CCDC18: variants seen among roughly 807,000 people sequenced by gnomAD.
CCDC18 encodes coiled-coil domain containing 18, also known as coiled-coil domain-containing protein 18.
CCDC18 carries 157 observed loss-of-function variants against 196.0 expected under a neutral mutation model. The ratio of observed to expected loss-of-function variants is 0.80; its 90% CI spans 0.70 to 0.91. CCDC18 has a LOEUF of 0.91. CCDC18 is among the 40% of genes least tolerant of loss of function. CCDC18 has a pLI of 0.00. For missense variants in CCDC18, 1,465 were observed against 1,611.6 expected, an observed-to-expected ratio of 0.91 and a Z score of 1.56; for synonymous variants, 482 against 529.2, an observed-to-expected ratio of 0.91 and a Z score of 1.22.
intron 17 of CCDC18, among the ~76,000 whole-genome samples, chr1:93,227,967 A>ATATATATATATATATAT (rs1176767918): frequency 1.8e-5 from 2 of 108,714 alleles, no homozygotes; most frequent in East Asian, 4.5e-4. Flanking sequence ...CAAAAAAAAA[A>ATATATATATATATATAT]AAAAATATAT....
intron 7 of CCDC18, among the ~76,000 whole-genome samples, chr1:93,202,978 AT>A (rs1440993394): frequency 2.6e-5 from 4 of 152,212 alleles, no homozygotes; most frequent in African/African-American, 4.8e-5. Context: ...TATCTCAAAG[AT>A]TGTGATATAT....
intron 21 of CCDC18, among the ~76,000 whole-genome samples, chr1:93,240,686 T>C (rs1032862484): frequency 5.3e-5 from 8 of 152,202 alleles, no homozygotes; most frequent in African/African-American, 1.9e-4. Context: ...TTAAATACTA[T>C]GTGTCAGACA....
In CCDC18 at chr1:93,270,414, T is replaced by C; in HGVS notation, c.3953T>C (p.Leu1318Pro). Residue 1318 changes from leucine to proline, a missense_variant, in exon 28 of 29, where the codon CTG becomes CCG. Transcript: ENST00000690025. ...GAAAAGGCAGAAGACATCAAGTTTC[T>C]GCCAGCCCCATTTACATCTCCAACA... ...GHEKAEDIKF[L>P]PAPFTSPTEI... is the part of the protein sequence containing the mutation. 1 of 1,550,418 alleles carries C rather than the reference T, an allele frequency of 6.4e-7. No individual in the cohort carries two copies. The highest frequency in any genetic ancestry group is 8.7e-7 in the Non-Finnish European group (1 of 1,146,852).
At chr1:93,269,477 G>C (rs1472277635) in intron 27 of CCDC18, among the ~76,000 whole-genome samples, 1 of 147,612 alleles carries the variant, frequency 6.8e-6, no homozygotes, top group Non-Finnish European at 1.5e-5. Flanking sequence ...AAAAAAAAAA[G>C]GAAAATACCA....
At chr1:93,186,183 T>C (rs1650643125) in intron 3 of CCDC18, among the ~76,000 whole-genome samples, 162 bp from the exon 4 acceptor site, 1 of 152,018 alleles carries the variant, frequency 6.6e-6, no homozygotes, top group Admixed American at 6.5e-5. Flanking sequence ...AGAGAGAGTA[T>C]TGATTGTTCC....
intron 28 of CCDC18, 147 bp downstream of exon 28, chr1:93,270,961 A>G: frequency 2.2e-6 from 3 of 1,388,260 alleles, no homozygotes; most frequent in South Asian, 1.9e-5. Context: ...AGTAAAATCA[A>G]TACCAAAAGA....
intron 14 of CCDC18, among the ~76,000 whole-genome samples, chr1:93,219,645 A>T (rs980049866): frequency 2.0e-5 from 3 of 152,226 alleles, no homozygotes; most frequent in Admixed American, 2.0e-4. Flanking sequence ...CAGAACTGCA[A>T]TTCAAAACGT....
intron 12 of CCDC18, among the ~76,000 whole-genome samples, chr1:93,215,632 AT>A (rs912086010): frequency 1.3e-5 from 2 of 151,260 alleles, no homozygotes; most frequent in African/African-American, 4.9e-5. Flanking sequence ...AAGTTTTTTT[AT>A]TTTTTATTTG....
intron 18 of CCDC18, among the ~76,000 whole-genome samples, chr1:93,234,595 G>A (rs1253829332): frequency 1.3e-5 from 2 of 152,050 alleles, no homozygotes; most frequent in Non-Finnish European, 2.9e-5. Flanking sequence ...TTTTTGACTT[G>A]GTATTCCTTT....
At chr1:93,241,723 CAAAAAAAAAA>C (rs35810581) in intron 21 of CCDC18, among the ~76,000 whole-genome samples, 1 of 59,956 alleles carries the variant, frequency 1.7e-5, no homozygotes, top group African/African-American at 6.6e-5. Flanking sequence ...GACTCCATCT[CAAAAAAAAAA>C]AAAAAAAAAA....
chr1:93,232,670 G>A (rs771205343), intron 18 of CCDC18, 77 bp downstream of exon 18: 4 of 1,177,748 alleles, frequency 3.4e-6, no homozygotes, highest in Non-Finnish European at 2.4e-6. Flanking sequence ...TTTTTCGTTA[G>A]TTTTTTAAAT....
At chr1:93,252,879 C>A (rs1252073821) in intron 23 of CCDC18, among the ~76,000 whole-genome samples, 1 of 152,206 alleles carries the variant, frequency 6.6e-6, no homozygotes, top group African/African-American at 2.4e-5. Context: ...GCAGGTCTTA[C>A]AAGGGCTTCA....
intron 21 of CCDC18, among the ~76,000 whole-genome samples, chr1:93,242,313 T>A (rs1468298490): frequency 7.0e-6 from 1 of 142,270 alleles, no homozygotes; most frequent in Non-Finnish European, 1.5e-5. Context: ...GAAAGACACA[T>A]CTCATATGGT....
At chr1:93,248,009 C>CTTTTTT (rs71586785) in intron 23 of CCDC18, among the ~76,000 whole-genome samples, 162 of 69,728 alleles carry the variant, frequency 2.3e-3, no homozygotes, top group South Asian at 2.6e-3. Flanking sequence ...TATTTTCCTT[C>CTTTTTT]TTTTTTTTTT....
At chr1:93,253,987 T>C (rs1193213853) in intron 23 of CCDC18, among the ~76,000 whole-genome samples, 1 of 152,164 alleles carries the variant, frequency 6.6e-6, no homozygotes, top group African/African-American at 2.4e-5. Context: ...TATTTTATTT[T>C]ATTTTAAATT....
chr1:93,270,774 TAAAA>T lies in CCDC18; in HGVS notation c.4316_4319del (p.Lys1439SerfsTer10), dbSNP rs773670438. On this transcript the variant is annotated frameshift_variant, in exon 28 of 29. Coordinates refer to ENST00000690025, the MANE Select transcript of CCDC18 (RefSeq NM_001378204.1). LOFTEE classifies it high-confidence loss of function. ...TACATAAACAAAGAAGTAAGACTATTAAAAAAGTCTTCTATGCAAACAGGTGCTG... is the reference window on the plus strand; with the variant it reads ...TACATAAACAAAGAAGTAAGACTATTAAGTCTTCTATGCAAACAGGTGCTG... The T allele has an allele frequency of 3.8e-5, 58 of 1,545,064 alleles. No homozygotes were observed. The highest frequency in any genetic ancestry group is 1.7e-6 in the Non-Finnish European group (2 of 1,145,258).
chr1:93,199,184 G>C (rs978104334), intron 6 of CCDC18, among the ~76,000 whole-genome samples: 20 of 152,232 alleles, frequency 1.3e-4, no homozygotes, highest in African/African-American at 4.8e-4. Flanking sequence ...TGCCCACTCA[G>C]CCTGGCAGGC....
chr1:93,246,711 A>G (rs1570553571), intron 22 of CCDC18, 127 bp from the exon 23 acceptor site: 1 of 535,998 alleles, frequency 1.9e-6, no homozygotes, highest in East Asian at 3.3e-5. Context: ...AAAGAGCATT[A>G]GTATATTAGC....
chr1:93,233,826 T>G (rs927552233), intron 18 of CCDC18, among the ~76,000 whole-genome samples: 1 of 152,118 alleles, frequency 6.6e-6, no homozygotes, highest in Non-Finnish European at 1.5e-5. Flanking sequence ...TCAAACTCCC[T>G]TCTCTGGTGA....
Sources: gnomAD v4.1 joint callset for allele counts (sites outside exome capture counted in the v4.1 genomes callset) on GRCh38, gnomAD v4.1.1 for gene constraint, MANE v1.5 for transcripts, NCBI Gene and HGNC (gene_info 2026-07-23, HGNC 2026-07-21) for gene names.